The following TNFRSF10A variants were observed in gnomAD, a reference collection of about 807,000 sequenced individuals.
The protein encoded by TNFRSF10A is tumor necrosis factor receptor superfamily member 10A.
TNFRSF10A carries 44 observed loss-of-function variants against 42.8 expected under a neutral mutation model. The observed-to-expected ratio is 1.03, with a 90% CI of 0.81 to 1.32. The LOEUF is 1.32. Ranked by LOEUF, TNFRSF10A falls within the 40% of genes most tolerant of loss-of-function variation. The probability of loss-of-function intolerance (pLI) is 0.00; values close to 1 mark genes in which losing one functional copy is unlikely to be tolerated. For synonymous variants in TNFRSF10A, 259 were observed against 234.2 expected (o/e 1.11, Z -0.97); for missense variants, 680 against 602.0 (o/e 1.13, Z -1.36).
At chr8:23,197,483 A>T (rs893332188) in intron 8 of TNFRSF10A, among the ~76,000 whole-genome samples, 1 of 152,130 alleles carries the variant, frequency 6.6e-6, no homozygotes, top group Non-Finnish European at 1.5e-5. Context: ...TCTGGGTTGC[A>T]TACTCCTTAT....
intron 4 of TNFRSF10A, among the ~76,000 whole-genome samples, chr8:23,201,424 TTAAATA>T (rs1042754341): frequency 2.0e-5 from 3 of 152,224 alleles, no homozygotes; most frequent in African/African-American, 7.2e-5. Flanking sequence ...CTCAATTTGT[TTAAATA>T]TAAATATAAC....
chr8:23,199,263 C>T lies in TNFRSF10A; in HGVS notation c.1014+3G>A, dbSNP rs1356399913. 6.2e-7 allele frequency: 1 copy of T among 1,611,242 alleles called. No homozygotes were observed. The highest frequency in any genetic ancestry group is 8.5e-7 in the Non-Finnish European group (1 of 1,177,698). ...GTCTTGGAGGGGCCTGTCCCCAACTCACCAGCAGACACTGTGCCTCCCCTG... is the reference window on the plus strand; with the variant it reads ...GTCTTGGAGGGGCCTGTCCCCAACTTACCAGCAGACACTGTGCCTCCCCTG... On this transcript the variant is annotated splice_donor_region_variant and intron_variant, in intron 8 of 9. Transcript: ENST00000221132.
intron 6 of TNFRSF10A, 121 bp downstream of exon 6, chr8:23,200,384 G>T: frequency 9.1e-7 from 1 of 1,096,078 alleles, no homozygotes. Context: ...ATCACAAGGA[G>T]GAAGATAGAG....
At chr8:23,206,123 A>AT (rs1408738156) in intron 2 of TNFRSF10A, among the ~76,000 whole-genome samples, 3 of 152,200 alleles carry the variant, frequency 2.0e-5, no homozygotes, top group Non-Finnish European at 4.4e-5. Flanking sequence ...AAGAAAGAAC[A>AT]TTTTTTGTAC....
intron 1 of TNFRSF10A, among the ~76,000 whole-genome samples, chr8:23,213,873 T>C (rs1035164074): frequency 6.6e-6 from 1 of 152,210 alleles, no homozygotes; most frequent in Non-Finnish European, 1.5e-5. Context: ...TAACTTATGG[T>C]ATATTGTTTT....
At chr8:23,219,983 C>T (rs985108717) in intron 1 of TNFRSF10A, among the ~76,000 whole-genome samples, 5 of 152,214 alleles carry the variant, frequency 3.3e-5, no homozygotes, top group South Asian at 2.1e-4. Flanking sequence ...GAGCTGCACA[C>T]ACTTTCCCTC....
chr8:23,214,304 G>A lies in TNFRSF10A; in HGVS notation c.307-2092C>T, dbSNP rs190595599. Among the ~76,000 whole-genome samples the A allele has an allele frequency of 4.6e-5, 7 of 152,112 alleles. No homozygotes were observed. In the East Asian group the frequency reaches 5.8e-4, roughly 13 times the overall value. Reference sequence around the variant, plus strand: ...AGATCGAGACCATCCTGGCTAACACGGTGAAAACCCGTCTCTATTAAAAAA... The same window carrying A: ...AGATCGAGACCATCCTGGCTAACACAGTGAAAACCCGTCTCTATTAAAAAA... On this transcript the variant is annotated intron_variant, in intron 1 of 9. Transcript: ENST00000221132.
intron 9 of TNFRSF10A, among the ~76,000 whole-genome samples, chr8:23,193,398 T>C (rs952783538): frequency 3.9e-5 from 6 of 152,238 alleles, no homozygotes; most frequent in Admixed American, 3.9e-4. Context: ...CTTTGAAATT[T>C]GACATTTGCA....
chr8:23,197,831 A>G, intron 8 of TNFRSF10A, among the ~76,000 whole-genome samples: 1 of 152,194 alleles, frequency 6.6e-6, no homozygotes, highest in East Asian at 1.9e-4. Flanking sequence ...ACAAAGAATC[A>G]CAAGAAATGA....
chr8:23,204,113 G>A (rs1007293941), intron 2 of TNFRSF10A, among the ~76,000 whole-genome samples: 1 of 151,998 alleles, frequency 6.6e-6, no homozygotes, highest in Admixed American at 6.6e-5. Context: ...TTATGATGAT[G>A]ACACTATCGA....
chr8:23,206,331 C>T (rs369704695), intron 2 of TNFRSF10A, among the ~76,000 whole-genome samples: 3 of 152,208 alleles, frequency 2.0e-5, no homozygotes, highest in Non-Finnish European at 4.4e-5. Context: ...CAGGCCTTCA[C>T]ATTCACTCAC....
rs775203714 is a variant in TNFRSF10A at position 23,225,005 on chromosome 8, A to T, written c.57T>A (p.Asn19Lys). 3.6e-5 allele frequency: 57 copies of T among 1,587,610 alleles called. No homozygotes were observed. Among genetic ancestry groups the T allele is most frequent in the Non-Finnish European group, 4.8e-5 (56 of 1,165,748 alleles). Residue 19 changes from asparagine (N) to lysine (K), a missense_variant, in exon 1 of 10, where the codon AAT (asparagine) becomes AAA (lysine). Transcript: ENST00000221132. Reference sequence around the variant, plus strand: ...CTGTCCCACTCGCTGCGCTCCCGGGATTCGGAGTCACTGCCAGGAACGCAC... The same window carrying T: ...CTGTCCCACTCGCTGCGCTCCCGGGTTTCGGAGTCACTGCCAGGAACGCAC... The part of the protein sequence containing the change: ...HLGAFLAVTP[N>K]PGSAASGTEA...
intron 9 of TNFRSF10A, 62 bp from the exon 10 acceptor site, chr8:23,192,075 G>A: frequency 1.3e-6 from 2 of 1,549,898 alleles, no homozygotes; most frequent in Non-Finnish European, 1.7e-6. Flanking sequence ...AAGGGGCAGA[G>A]GATCCCACAT....
At position 23,212,155 on chromosome 8, in the gene TNFRSF10A, G is replaced by T; in HGVS notation, c.364C>A (p.Gln122Lys). 1 of 1,613,854 alleles carries T rather than the reference G, an allele frequency of 6.2e-7. No individual in the cohort carries two copies. The highest frequency in any genetic ancestry group is 8.5e-7 in the Non-Finnish European group (1 of 1,179,820). ...KLHDQSIGTQ[Q>K]WEHSPLGELC... ...TCTCCCAAAGGGCTATGTTCCCATT[G>T]CTGTGTGCCAATTGATTGATCATGA... The change falls in exon 2 of 10, where the codon CAA (glutamine) becomes AAA (lysine). Residue 122 changes from glutamine to lysine, a missense_variant. Gln to Lys is a moderately conservative substitution (Grantham distance 53). Transcript: ENST00000221132.
intron 4 of TNFRSF10A, 108 bp downstream of exon 4, chr8:23,201,700 G>T: frequency 9.9e-7 from 1 of 1,010,140 alleles, no homozygotes; most frequent in Non-Finnish European, 1.5e-6. Flanking sequence ...GAGGCACCAT[G>T]GGGTCAGGGC....
At chr8:23,206,570 T>C (rs1801012435) in intron 2 of TNFRSF10A, among the ~76,000 whole-genome samples, 1 of 152,234 alleles carries the variant, frequency 6.6e-6, no homozygotes, top group South Asian at 2.1e-4. Context: ...AGGGATGCAG[T>C]AGGCTATATC....
intron 8 of TNFRSF10A, among the ~76,000 whole-genome samples, chr8:23,198,094 G>C (rs1449227203): frequency 6.6e-6 from 1 of 151,866 alleles, no homozygotes; most frequent in African/African-American, 2.4e-5. Context: ...GAACAGTCTA[G>C]GTGGAAGGAG....
chr8:23,204,592 C>T (rs555376346), intron 2 of TNFRSF10A, among the ~76,000 whole-genome samples: 2 of 152,228 alleles, frequency 1.3e-5, no homozygotes, highest in East Asian at 3.9e-4. Context: ...TCAATCAAAA[C>T]AAGATACACA....
intron 1 of TNFRSF10A, among the ~76,000 whole-genome samples, chr8:23,215,042 T>C (rs1399600516): frequency 6.6e-6 from 1 of 152,184 alleles, no homozygotes; most frequent in Non-Finnish European, 1.5e-5. Flanking sequence ...TTGAGGATTG[T>C]ATTGTGGTTA....
Sources: gnomAD v4.1 joint callset for allele counts (sites outside exome capture counted in the v4.1 genomes callset) on GRCh38, gnomAD v4.1.1 for gene constraint, MANE v1.5 for transcripts, NCBI Gene and HGNC (gene_info 2026-07-23, HGNC 2026-07-21) for gene names.